The following CD99 variants were observed in gnomAD, a reference collection of about 807,000 sequenced individuals.
The protein encoded by CD99 is CD99 antigen.
A neutral mutation model predicts 28.4 loss-of-function variants in CD99; 19 were observed. The observed-to-expected ratio is 0.67, with a 90% CI of 0.47 to 0.98. The LOEUF (loss-of-function observed/expected upper bound fraction) is 0.98. Ranked by LOEUF, CD99 falls within the 50% of genes least tolerant of loss-of-function variation. CD99 has a pLI of 0.00. For synonymous variants in CD99, 103 were observed against 92.1 expected, an observed-to-expected ratio of 1.12 and a Z score of -0.67; for missense variants, 283 against 248.8, an observed-to-expected ratio of 1.14 and a Z score of -0.92.
chrX:2,736,583 C>T (rs373956081), intron 8 of CD99, among the ~76,000 whole-genome samples: 5 of 151,850 alleles, frequency 3.3e-5, no homozygotes, highest in East Asian at 1.9e-4. Flanking sequence ...GAGGGCCGGG[C>T]GTGGTGGCTC....
At chrX:2,733,559 C>T (rs2049787526) in intron 8 of CD99, 24 of 610,378 alleles carry the variant, frequency 3.9e-5, no homozygotes, top group Non-Finnish European at 6.7e-5. Context: ...ATGCTTTTGC[C>T]TTTCTGGATG....
chrX:2,715,785 C>T (rs1187648906), intron 2 of CD99, among the ~76,000 whole-genome samples: 1 of 152,174 alleles, frequency 6.6e-6, no homozygotes, highest in African/African-American at 2.4e-5. Context: ...CTTGTGGCTG[C>T]ATCACTGTAG....
intron 9 of CD99, among the ~76,000 whole-genome samples, chrX:2,739,749 T>C (rs1330757754): frequency 6.7e-6 from 1 of 150,064 alleles, no homozygotes; most frequent in African/African-American, 2.4e-5. Context: ...CCACCGTGCC[T>C]GGCATTCCAT....
chrX:2,695,626 G>GA (rs998736341), intron 1 of CD99, among the ~76,000 whole-genome samples: 9 of 145,808 alleles, frequency 6.2e-5, no homozygotes, highest in Middle Eastern at 3.5e-3. Context: ...TGCCCAGACT[G>GA]AAAAAAAAGT....
intron 1 of CD99, among the ~76,000 whole-genome samples, chrX:2,711,197 G>T (rs1159479592): frequency 6.8e-6 from 1 of 147,782 alleles, no homozygotes; most frequent in Middle Eastern, 3.2e-3. Context: ...AACCTTCAGG[G>T]TATTCCCAGC....
intron 2 of CD99, chrX:2,714,898 GA>G: frequency 4.5e-5 from 7 of 156,642 alleles, no homozygotes. Context: ...CATAGATGAC[GA>G]GGAAAAGCAA....
At chrX:2,738,907 G>A (rs1264024217) in intron 9 of CD99, among the ~76,000 whole-genome samples, 1 of 152,048 alleles carries the variant, frequency 6.6e-6, no homozygotes, top group Admixed American at 6.5e-5. Flanking sequence ...GAGTGCAGTG[G>A]CACGATCATA....
intron 1 of CD99, among the ~76,000 whole-genome samples, chrX:2,714,118 C>A (rs1392256544): frequency 6.6e-6 from 1 of 152,054 alleles, no homozygotes; most frequent in Non-Finnish European, 1.5e-5. Flanking sequence ...AATTGTTATT[C>A]ATCTGTTTGA....
At chrX:2,736,249 C>A (rs1259886988) in intron 8 of CD99, among the ~76,000 whole-genome samples, 1 of 151,240 alleles carries the variant, frequency 6.6e-6, no homozygotes, top group Non-Finnish European at 1.5e-5. Context: ...GCTGCTGCAC[C>A]ATACAAACGT....
chrX:2,694,456 A>C (rs2047478872), intron 1 of CD99, among the ~76,000 whole-genome samples: 1 of 151,436 alleles, frequency 6.6e-6, no homozygotes, highest in African/African-American at 2.4e-5. Context: ...TTTGCATTTA[A>C]CTCCCTACTT....
At chrX:2,732,481 CTCCTCCTTTCT>C (rs2049673584) in intron 8 of CD99, among the ~76,000 whole-genome samples, 1 of 151,190 alleles carries the variant, frequency 6.6e-6, no homozygotes, top group South Asian at 2.1e-4. Flanking sequence ...TCTTCCTTCC[CTCCTCCTTTCT>C]TTCCCCCTCC....
At chrX:2,730,737 A>G (rs1343495401) in intron 8 of CD99, among the ~76,000 whole-genome samples, 1 of 151,986 alleles carries the variant, frequency 6.6e-6, no homozygotes, top group Non-Finnish European at 1.5e-5. Context: ...AACAAAGAGA[A>G]GCAAGAGATG....
chrX:2,723,411 G>A, intron 7 of CD99, 47 bp downstream of exon 7: 1 of 1,602,712 alleles, frequency 6.2e-7, no homozygotes, highest in Admixed American at 1.7e-5. Context: ...ACGTGGTGTT[G>A]AGAAGGGGAA....
At chrX:2,714,198 T>A (rs2048576069) in intron 1 of CD99, among the ~76,000 whole-genome samples, 2 of 152,208 alleles carry the variant, frequency 1.3e-5, no homozygotes, top group African/African-American at 4.8e-5. Flanking sequence ...TCTACTAAGC[T>A]TGAAGGTCAT....
Position 2,726,262 on chromosome X carries a change from G to A in CD99, c.364G>A (p.Asp122Asn), listed in dbSNP as rs750484164. The A allele has an allele frequency of 4.4e-6, 7 of 1,603,920 alleles. No homozygotes were observed. The highest frequency in any genetic ancestry group is 1.3e-5 in the African/African-American group (1 of 74,808). Residue 122 changes from aspartate (D) to asparagine (N), a missense_variant and splice_region_variant, in exon 8 of 10, where the codon GAC becomes AAC. By Grantham distance (23) the Asp-to-Asn change is conservative (BLOSUM62 1). Transcript: ENST00000381192. ...ATGCTGTGTGCTTCCTCCTGCAGCC[G>A]ACGCCCCAGGCGTGATCCCCGGGAT... ...GSHRKEGEEA[D>N]APGVIPGIVG...
intron 7 of CD99, among the ~76,000 whole-genome samples, chrX:2,724,597 C>CT (rs2049175952): frequency 6.6e-6 from 1 of 152,120 alleles, no homozygotes; most frequent in East Asian, 1.9e-4. Context: ...GGTGAAACCC[C>CT]TTTTCTACAA....
At chrX:2,694,135 T>G (rs752860731) in intron 1 of CD99, among the ~76,000 whole-genome samples, 2 of 152,292 alleles carry the variant, frequency 1.3e-5, no homozygotes, top group African/African-American at 4.8e-5. Context: ...TGGCAAAGGC[T>G]GATTTGCCCC....
At position 2,738,297 on chromosome X, in the gene CD99, T is replaced by G. The variant is rs758647520; in HGVS notation, c.532+41T>G. On this transcript the variant is annotated intron_variant, in intron 9 of 9. Transcript: ENST00000381192. ...AACGATGGCTTGCACACGTGGCCAG[T>G]GTTCCCATTTTATCTTCTCCATCCT... 1.9e-6 allele frequency: 3 copies of G among 1,587,860 alleles called. No homozygotes were observed. In the African/African-American group the frequency reaches 4.0e-5, roughly 21 times the overall value.
intron 1 of CD99, among the ~76,000 whole-genome samples, chrX:2,713,488 A>C (rs766024129): frequency 6.6e-6 from 1 of 152,246 alleles, no homozygotes; most frequent in Admixed American, 6.5e-5. Flanking sequence ...ATGCACACAA[A>C]ACCCACAAAT....
Sources: allele counts gnomAD v4.1 joint callset (sites outside exome capture counted in the v4.1 genomes callset), GRCh38; gene constraint gnomAD v4.1.1; transcripts MANE v1.5; gene names NCBI Gene and HGNC (gene_info 2026-07-23, HGNC 2026-07-21).